The following UBTF variants were observed in gnomAD, a reference collection of about 807,000 sequenced individuals.
The protein encoded by UBTF is nucleolar transcription factor 1.
Under a neutral mutation model 112.3 loss-of-function variants are expected in UBTF, and 8 were observed. The observed-to-expected ratio is 0.07, with a 90% CI of 0.04 to 0.13. The LOEUF (loss-of-function observed/expected upper bound fraction) is 0.13, where lower values mean the gene tolerates loss of function less well. Among genes scored for constraint, UBTF ranks in the 10% least tolerant of loss-of-function variants. The pLI is 1.00. For missense variants in UBTF, 457 were observed against 982.1 expected, an observed-to-expected ratio of 0.47 and a Z score of 7.15; for synonymous variants, 417 against 373.1, an observed-to-expected ratio of 1.12 and a Z score of -1.36.
chr17:44,215,879 C>T (rs370864318), intron 4 of UBTF, 27 bp downstream of exon 4: 12 of 1,613,914 alleles, frequency 7.4e-6, no homozygotes, highest in South Asian at 2.2e-5. Flanking sequence ...TCCCATACCC[C>T]TCATGCTCCT....
chr17:44,208,060 G>C, intron 17 of UBTF, 149 bp from the exon 18 acceptor site: 1 of 771,440 alleles, frequency 1.3e-6, no homozygotes, highest in Non-Finnish European at 2.1e-6. Flanking sequence ...GGTCTCTGCA[G>C]AGAGCCCCTG....
At chr17:44,213,568 G>A (rs1051189109) in intron 5 of UBTF, among the ~76,000 whole-genome samples, 6 of 152,148 alleles carry the variant, frequency 3.9e-5, no homozygotes, top group Non-Finnish European at 7.3e-5. Context: ...CATTACCCAC[G>A]GTCACACAGT....
intron 1 of UBTF, chr17:44,219,141 G>A (rs1414350030): frequency 6.6e-6 from 1 of 150,676 alleles, no homozygotes; most frequent in East Asian, 2.0e-4. Flanking sequence ...GGAGGACGGC[G>A]GCCGGGAGGC....
chr17:44,218,351 G>A, intron 1 of UBTF, 55 bp from the exon 2 acceptor site: 2 of 1,078,492 alleles, frequency 1.9e-6, no homozygotes, highest in Non-Finnish European at 2.7e-6. Flanking sequence ...AACGACTAAC[G>A]ACTTTCTAAC....
intron 3 of UBTF, 136 bp downstream of exon 3, chr17:44,216,393 G>T: frequency 9.7e-7 from 1 of 1,028,724 alleles, no homozygotes; most frequent in South Asian, 1.5e-5. Context: ...AATGCAAAGG[G>T]GCAGGTAGAG....
At chr17:44,218,607 A>AG (rs1194958463) in intron 1 of UBTF, 3 of 204,938 alleles carry the variant, frequency 1.5e-5, no homozygotes, top group Non-Finnish European at 2.9e-5. Flanking sequence ...AAAAAAAAAA[A>AG]AAGAAAAAAT....
chr17:44,216,748 C>T (rs1306699800), intron 2 of UBTF, 44 bp from the exon 3 acceptor site: 1 of 1,596,388 alleles, frequency 6.3e-7, no homozygotes, highest in Non-Finnish European at 8.6e-7. Context: ...CTCATGCTAT[C>T]CCCCCGATCT....
Position 44,210,831 on chromosome 17 carries a change from C to G in UBTF, c.1320G>C (p.Leu440=). The change falls in exon 13 of 21, where the codon CTG becomes CTC. Residue 440 remains leucine (L), a synonymous_variant. Transcript: ENST00000436088. ...ACAGGTCGTTCCACATTCGGGCCAGCAGGCGGGTCAGCTCGCTCTCGGAGA... is the reference window on the plus strand; with the variant it reads ...ACAGGTCGTTCCACATTCGGGCCAGGAGGCGGGTCAGCTCGCTCTCGGAGA... ...PELSESELTR[L]LARMWNDLSE... 1 of 1,568,430 alleles carries G rather than the reference C, an allele frequency of 6.4e-7. No homozygotes were observed. The highest frequency in any genetic ancestry group is 8.7e-7 in the Non-Finnish European group (1 of 1,155,976).
At chr17:44,215,481 G>C in intron 5 of UBTF, 173 bp downstream of exon 5, 1 of 747,286 alleles carries the variant, frequency 1.3e-6, no homozygotes, top group South Asian at 1.8e-5. Flanking sequence ...GCCTGACCAT[G>C]TGTGGGCCGA....
At chr17:44,214,645 A>T (rs1376793528) in intron 5 of UBTF, among the ~76,000 whole-genome samples, 2 of 103,298 alleles carry the variant, frequency 1.9e-5, no homozygotes, top group African/African-American at 1.0e-4. Flanking sequence ...GTGGTTGCAG[A>T]CAGCTGGCTT....
intron 5 of UBTF, 94 bp from the exon 6 acceptor site, chr17:44,213,376 GC>G: frequency 7.4e-7 from 1 of 1,348,740 alleles, no homozygotes; most frequent in Non-Finnish European, 1.0e-6. Context: ...TGGCTCTTCT[GC>G]CTCCCACGCT....
rs1157785041 is a variant in UBTF, at chr17:44,218,081, A to C, written c.58+91T>G. 11 of 1,299,552 alleles carry C rather than the reference A, an allele frequency of 8.5e-6. No individual in the cohort carries two copies. In the Admixed American group the frequency reaches 1.9e-4, roughly 23 times the overall value. 80.5% of individuals were successfully genotyped at this position (1,299,552 alleles called of 1,614,324 possible). The stretch of plus-strand genomic sequence containing the variant: ...TTCTCCCCCAGTTCAGTGTATGCAG[A>C]CTGAAAAAGCCCTTGAAGAAGGGAG... On this transcript the variant is annotated intron_variant, in intron 2 of 20. Coordinates refer to ENST00000436088, the MANE Select transcript of UBTF (RefSeq NM_014233.4).
Position 44,215,643 on chromosome 17 carries a change from C to T in UBTF, c.474+11G>A. 1 of 1,613,486 alleles carries T rather than the reference C, an allele frequency of 6.2e-7. No homozygotes were observed. Among genetic ancestry groups the T allele is most frequent in the Non-Finnish European group, 8.5e-7 (1 of 1,179,870 alleles). ...TCTCCCCTCCTCCCACCTTAACTCTCCTCCCCCCACCTTCTTCTTCTCCGG... is the reference window on the plus strand; with the variant it reads ...TCTCCCCTCCTCCCACCTTAACTCTTCTCCCCCCACCTTCTTCTTCTCCGG... On this transcript the variant is annotated intron_variant, in intron 5 of 20. Coordinates refer to ENST00000436088, the MANE Select transcript of UBTF (RefSeq NM_014233.4).
At position 44,207,099 on chromosome 17, in the gene UBTF, T is replaced by C. The variant is rs1425890145; in HGVS notation, c.*143A>G. On this transcript the variant is annotated 3_prime_UTR_variant, in exon 21 of 21. Transcript: ENST00000436088. ...CTCCTCCAGCCCCCTACCCCCACCGTATTTTTTTTTTTTTTTAAAGAAAGA... is the reference window on the plus strand; with the variant it reads ...CTCCTCCAGCCCCCTACCCCCACCGCATTTTTTTTTTTTTTTAAAGAAAGA... 5.4e-6 allele frequency: 5 copies of C among 928,148 alleles called. No individual in the cohort carries two copies. Among genetic ancestry groups the C allele is most frequent in the Admixed American group, 2.8e-5 (1 of 35,508 alleles). 57.5% of individuals were successfully genotyped at this position (928,148 alleles called of 1,614,324 possible).
chr17:44,216,816 G>A, intron 2 of UBTF, 112 bp from the exon 3 acceptor site: 1 of 1,088,246 alleles, frequency 9.2e-7, no homozygotes, highest in African/African-American at 1.6e-5. Context: ...GCCCCTGGTT[G>A]CTTCCCATCT....
chr17:44,213,056 GCTGC>G (rs939503286), intron 6 of UBTF, 117 bp from the exon 7 acceptor site: 26 of 1,546,900 alleles, frequency 1.7e-5, no homozygotes, highest in Middle Eastern at 3.6e-4. Context: ...TGGGACGGTG[GCTGC>G]CTGCCTGTCT....
chr17:44,208,246 G>A (rs1222888375), intron 17 of UBTF, among the ~76,000 whole-genome samples: 1 of 152,012 alleles, frequency 6.6e-6, no homozygotes, highest in Admixed American at 6.6e-5. Context: ...TGGGACTACA[G>A]GCATGTGCCA....
chr17:44,217,714 T>G (rs1254885674), intron 2 of UBTF, among the ~76,000 whole-genome samples: 1 of 152,152 alleles, frequency 6.6e-6, no homozygotes, highest in Non-Finnish European at 1.5e-5. Flanking sequence ...GAGGCAGAGA[T>G]CTAGTTGAGT....
intron 5 of UBTF, among the ~76,000 whole-genome samples, chr17:44,214,546 G>A (rs2046749800): frequency 6.6e-6 from 1 of 152,126 alleles, no homozygotes; most frequent in African/African-American, 2.4e-5. Flanking sequence ...CATCCCATGA[G>A]AGTGTTTGGG....
Sources: gnomAD v4.1 joint callset for allele counts (sites outside exome capture counted in the v4.1 genomes callset) on GRCh38, gnomAD v4.1.1 for gene constraint, MANE v1.5 for transcripts, NCBI Gene and HGNC (gene_info 2026-07-23, HGNC 2026-07-21) for gene names.